CSTF3: variants seen among roughly 807,000 people sequenced by gnomAD.
CSTF3 encodes the protein CF-1 77 kDa subunit.
In CSTF3, 29 loss-of-function variants were observed where a neutral mutation model predicts 105.8. That is an observed-to-expected ratio of 0.27 (90% CI 0.20 to 0.37). The LOEUF is 0.37. Among genes scored for constraint, CSTF3 ranks in the 10% least tolerant of loss-of-function variants. CSTF3 has a pLI of 1.00. For missense variants in CSTF3, 357 were observed against 879.3 expected (o/e 0.41, Z 7.51); for synonymous variants, 252 against 281.9 (o/e 0.89, Z 1.06).
At chr11:33,092,250 C>T (rs542255754) in intron 16 of CSTF3, 21 bp downstream of exon 16, 1 of 1,563,128 alleles carries the variant, frequency 6.4e-7, no homozygotes, top group South Asian at 1.2e-5. Context: ...ACCTGATCAA[C>T]AACTTTTCAC....
At chr11:33,104,642 G>A (rs1002309802) in intron 8 of CSTF3, among the ~76,000 whole-genome samples, 2 of 152,122 alleles carry the variant, frequency 1.3e-5, no homozygotes, top group African/African-American at 4.8e-5. Context: ...GGGCATGCCT[G>A]TAGTCTTAGC....
In CSTF3 at chr11:33,150,897, G is replaced by A. The variant is rs531958826; in HGVS notation, c.28-8911C>T. Reference sequence around the variant, plus strand: ...TTTGAAAGTAGAATAAGCATATTATGTATTTAAGCTTTTATAATTTCTTTT... The same window carrying A: ...TTTGAAAGTAGAATAAGCATATTATATATTTAAGCTTTTATAATTTCTTTT... On this transcript the variant is annotated intron_variant, in intron 1 of 20. Transcript: ENST00000323959. Among the ~76,000 whole-genome samples the A allele has an allele frequency of 2.0e-5, 3 of 151,644 alleles. No homozygotes were observed. In the South Asian group the frequency reaches 6.3e-4, roughly 32 times the overall value.
At chr11:33,086,148 G>A (rs1236083359) in intron 18 of CSTF3, among the ~76,000 whole-genome samples, 159 bp from the exon 19 acceptor site, 1 of 151,940 alleles carries the variant, frequency 6.6e-6, no homozygotes, top group African/African-American at 2.4e-5. Context: ...GGGTGAGACA[G>A]CAGTCTCAAT....
chr11:33,157,753 A>T (rs1193560102), intron 1 of CSTF3, among the ~76,000 whole-genome samples: 1 of 151,798 alleles, frequency 6.6e-6, no homozygotes, highest in Non-Finnish European at 1.5e-5. Flanking sequence ...ACAAACTTGA[A>T]CTTCAATGCT....
At position 33,092,276 on chromosome 11, in the gene CSTF3, CT is replaced by C; in HGVS notation, c.1439del (p.Lys480SerfsTer10). ...VLTSGSLPPE[K>X]SGEIWARFLA... ...AACTTTTCACAATGGCTTACCCAGA[CT>C]TCTCAGGAGGAAGGCTTCCAGATGT... is the stretch of plus-strand genomic sequence containing the variant. On this transcript the variant is annotated frameshift_variant, in exon 16 of 21. Coordinates refer to ENST00000323959, the MANE Select transcript of CSTF3 (RefSeq NM_001326.3). LOFTEE classifies it high-confidence loss of function. 1.3e-6 allele frequency: 2 copies of C among 1,598,508 alleles called. No individual in the cohort carries two copies. The highest frequency in any genetic ancestry group is 1.7e-6 in the Non-Finnish European group (2 of 1,174,064).
At chr11:33,127,001 T>A (rs1855549836) in intron 3 of CSTF3, among the ~76,000 whole-genome samples, 1 of 152,100 alleles carries the variant, frequency 6.6e-6, no homozygotes, top group Non-Finnish European at 1.5e-5. Flanking sequence ...TTTTTGTAGA[T>A]CTGAAGAAAG....
At position 33,090,601 on chromosome 11, in the gene CSTF3, T is replaced by C; in HGVS notation, c.1572A>G (p.Leu524=). ...AATCCATGAACTTGTATCTATCTAC[T>C]AGTAAAGCCGTTTCTTTCCCTTCAT... ...EEYEGKETAL[L]VDRYKFMDLY... The change falls in exon 17 of 21, where the codon CTA becomes CTG. Residue 524 remains leucine, a synonymous_variant. Transcript: ENST00000323959. 1.2e-6 allele frequency: 2 copies of C among 1,611,258 alleles called. No homozygotes were observed. The highest frequency in any genetic ancestry group is 1.7e-6 in the Non-Finnish European group (2 of 1,179,156).
In CSTF3 at chr11:33,152,886, A is replaced by G. The variant is rs900450440; in HGVS notation, c.27+8413T>C. Among the ~76,000 whole-genome samples the G allele has an allele frequency of 2.6e-5, 4 of 151,792 alleles. No homozygotes were observed. The South Asian group carries it at 8.3e-4, about 32-fold the overall frequency. On this transcript the variant is annotated intron_variant, in intron 1 of 20. Coordinates refer to ENST00000323959, the MANE Select transcript of CSTF3 (RefSeq NM_001326.3). ...GGCAGGAGAATCGCTTGAACCCGGG[A>G]GGTGGAGGTTGCAGTGAGCTGGGAT...
At chr11:33,132,229 A>T (rs1565014224) in intron 3 of CSTF3, among the ~76,000 whole-genome samples, 1 of 152,166 alleles carries the variant, frequency 6.6e-6, no homozygotes, top group Non-Finnish European at 1.5e-5. Context: ...ATAAATGAAG[A>T]CATTTTTAAA....
In CSTF3 at chr11:33,107,714, C is replaced by G. The variant is rs544272545; in HGVS notation, c.356+189G>C. Among the ~76,000 whole-genome samples the G allele has an allele frequency of 1.7e-3, 256 of 152,324 alleles. 2 individuals carry two copies. Among genetic ancestry groups the G allele is most frequent in the African/African-American group, 5.8e-3 (243 of 41,572 alleles). On this transcript the variant is annotated intron_variant, in intron 5 of 20. Coordinates refer to ENST00000323959, the MANE Select transcript of CSTF3 (RefSeq NM_001326.3). Reference sequence around the variant, plus strand: ...GAAAGGGCTTGGGCGATTCAATTCTCCAGAGTAAGACTCATGCCAGTGACT... The same window carrying G: ...GAAAGGGCTTGGGCGATTCAATTCTGCAGAGTAAGACTCATGCCAGTGACT...
chr11:33,112,657 C>T (rs1855391321), intron 3 of CSTF3, among the ~76,000 whole-genome samples: 2 of 152,324 alleles, frequency 1.3e-5, no homozygotes, highest in Non-Finnish European at 2.9e-5. Flanking sequence ...AATACCCTGT[C>T]TTTAGCCATC....
At chr11:33,086,712 A>G (rs1156277467) in intron 18 of CSTF3, among the ~76,000 whole-genome samples, 1 of 152,244 alleles carries the variant, frequency 6.6e-6, no homozygotes, top group Non-Finnish European at 1.5e-5. Flanking sequence ...TGCCAGGATT[A>G]TAAGTGTAAA....
At chr11:33,150,705 A>C (rs2133806306) in intron 1 of CSTF3, among the ~76,000 whole-genome samples, 1 of 152,124 alleles carries the variant, frequency 6.6e-6, no homozygotes, top group East Asian at 1.9e-4. Flanking sequence ...AAAACGCAAA[A>C]ATTAGCTGGG....
At chr11:33,103,334 G>T (rs1175909163) in intron 8 of CSTF3, 150 bp from the exon 9 acceptor site, 2 of 438,370 alleles carry the variant, frequency 4.6e-6, no homozygotes, top group Non-Finnish European at 7.9e-6. Flanking sequence ...ATGAAAAGCA[G>T]GGAAAAAAGG....
chr11:33,098,737 T>C lies in CSTF3; in HGVS notation c.1081A>G (p.Ser361Gly), dbSNP rs776567292. Residue 361 changes from serine to glycine, a missense_variant, in exon 13 of 21, where the codon AGT (serine) becomes GGT (glycine). This residue lies in a region of CSTF3 where 206 missense variants were observed against 576.5 expected (regional missense o/e 0.36). Coordinates refer to ENST00000323959, the MANE Select transcript of CSTF3 (RefSeq NM_001326.3). ...ESRMKYEKVHSIYNRLLAIED... is the reference protein window; with the variant it reads ...ESRMKYEKVHGIYNRLLAIED... ...ATTGCCAGAAGTCTGTTATATATAC[T>C]GTGAACCTTTTCATACTTCATGCGA... The C allele has an allele frequency of 2.6e-6, 4 of 1,551,674 alleles. No homozygotes were observed. The highest frequency in any genetic ancestry group is 3.5e-6 in the Non-Finnish European group (4 of 1,158,792).
In CSTF3 at chr11:33,102,550, A is replaced by G. The variant is rs566417408; in HGVS notation, c.664-211T>C. Among the ~76,000 whole-genome samples, 10 of 152,220 alleles carry G rather than the reference A, an allele frequency of 6.6e-5. No homozygotes were observed. In the South Asian group the frequency reaches 2.1e-3, roughly 32 times the overall value. On this transcript the variant is annotated intron_variant, in intron 9 of 20. Coordinates refer to ENST00000323959, the MANE Select transcript of CSTF3 (RefSeq NM_001326.3). ...GTTCCCAGGAGTGGGTAAACAAAAC[A>G]CCCATGGGCCCTCTCTGTAAGTGAT...
chr11:33,098,833 ATC>A, intron 12 of CSTF3, 69 bp from the exon 13 acceptor site: 1 of 1,287,154 alleles, frequency 7.8e-7, no homozygotes. Flanking sequence ...GCTCCAAGGA[ATC>A]CAAAGGCTAT....
chr11:33,098,868 C>A (rs1391781596), intron 12 of CSTF3, 104 bp from the exon 13 acceptor site: 1 of 1,227,492 alleles, frequency 8.1e-7, no homozygotes, highest in Admixed American at 2.7e-5. Flanking sequence ...CCAATGGCAT[C>A]TCCATTGAGC....
intron 3 of CSTF3, among the ~76,000 whole-genome samples, chr11:33,129,394 C>CTTT (rs967909642): frequency 6.9e-6 from 1 of 144,146 alleles, no homozygotes; most frequent in African/African-American, 2.5e-5. Flanking sequence ...GCCCGGCCTA[C>CTTT]TTTTTTTTTT....
Sources: allele counts gnomAD v4.1 joint callset (sites outside exome capture counted in the v4.1 genomes callset), GRCh38; gene constraint gnomAD v4.1.1; regional missense constraint gnomAD v4.1.1; transcripts MANE v1.5; gene names NCBI Gene and HGNC (gene_info 2026-07-23, HGNC 2026-07-21).